The following BCO1 variants were observed in gnomAD, a reference collection of about 807,000 sequenced individuals.
BCO1 encodes the protein beta,beta-carotene 15,15'-dioxygenase.
BCO1 carries 54 observed loss-of-function variants against 56.3 expected under a neutral mutation model. The observed-to-expected ratio is 0.96, with a 90% confidence interval of 0.77 to 1.20. The LOEUF is 1.20. BCO1 is among the 50% of genes most tolerant of loss of function. BCO1 has a pLI of 0.00. For synonymous variants in BCO1, 318 were observed against 266.1 expected (o/e 1.20, Z -1.90); for missense variants, 801 against 690.9 (o/e 1.16, Z -1.79).
chr16:81,290,472 C>A lies in BCO1; in HGVS notation c.1539C>A (p.Leu513=), dbSNP rs368392677. Residue 513 remains leucine, a synonymous_variant, in exon 11 of 11, where the codon CTC becomes CTA. Transcript: ENST00000258168. ...TTGATGTCGATATGCACATGGATCTCCATGGATTATTCATTACAGACATGG... is the reference window on the plus strand; with the variant it reads ...TTGATGTCGATATGCACATGGATCTACATGGATTATTCATTACAGACATGG... ...ASVDVDMHMD[L]HGLFITDMDW... The A allele has an allele frequency of 1.9e-6, 3 of 1,614,042 alleles. No homozygotes were observed. In the African/African-American group the frequency reaches 4.0e-5, roughly 22 times the overall value.
At chr16:81,271,572 C>T (rs1164635480) in intron 7 of BCO1, among the ~76,000 whole-genome samples, 1 of 152,178 alleles carries the variant, frequency 6.6e-6, no homozygotes, top group Non-Finnish European at 1.5e-5. Flanking sequence ...CCCCAGGCAA[C>T]CTGTCATCTG....
chr16:81,262,307 A>G lies in BCO1; in HGVS notation c.471+24A>G, dbSNP rs1472655084. Reference sequence around the variant, plus strand: ...AGGTATCAACACATATGTAACCAGCATCACTTCCTGACTCAAGAAAGGGAG... The same window carrying G: ...AGGTATCAACACATATGTAACCAGCGTCACTTCCTGACTCAAGAAAGGGAG... On this transcript the variant is annotated intron_variant, in intron 4 of 10. Transcript: ENST00000258168. The G allele has an allele frequency of 2.8e-5, 45 of 1,606,596 alleles. No individual in the cohort carries two copies. The Admixed American group carries it at 7.5e-4, about 27-fold the overall frequency.
rs1273968692 is a variant in BCO1 at position 81,290,851 on chromosome 16, C to G, written c.*274C>G. The G allele has an allele frequency of 1.3e-5, 5 of 378,002 alleles. No individual in the cohort carries two copies. Among genetic ancestry groups the G allele is most frequent in the Non-Finnish European group, 1.9e-5 (4 of 209,674 alleles). 23.4% of individuals were successfully genotyped at this position (378,002 alleles called of 1,614,324 possible). A position where few individuals can be genotyped will look rare whatever the true frequency, so the allele number is the denominator to read the frequency against. On this transcript the variant is annotated 3_prime_UTR_variant, in exon 11 of 11. Transcript: ENST00000258168. ...ACCTCCTTTCCTTTAACAAAAAGAC[C>G]TTGACCATGAATCAGAGATTGTATT...
intron 2 of BCO1, among the ~76,000 whole-genome samples, chr16:81,258,053 G>A (rs912001723): frequency 2.0e-5 from 3 of 152,034 alleles, no homozygotes; most frequent in African/African-American, 4.8e-5. Context: ...TCACAGTGAC[G>A]CAGCCATGAC....
At chr16:81,285,695 G>A in intron 9 of BCO1, 61 bp downstream of exon 9, 1 of 1,244,118 alleles carries the variant, frequency 8.0e-7, no homozygotes, top group East Asian at 2.3e-5. Context: ...ATGCAAAGCT[G>A]AATTCTAAGG....
chr16:81,281,091 C>G (rs1907856584), intron 8 of BCO1, 129 bp downstream of exon 8: 5 of 713,846 alleles, frequency 7.0e-6, no homozygotes, highest in Non-Finnish European at 1.2e-5. Flanking sequence ...TCTTGGGATG[C>G]CCTGGTGAAA....
At chr16:81,244,345 T>A (rs915325786) in intron 1 of BCO1, among the ~76,000 whole-genome samples, 6 of 152,074 alleles carry the variant, frequency 3.9e-5, no homozygotes, top group Non-Finnish European at 8.8e-5. Flanking sequence ...TGAAATTATT[T>A]CAGTGGTATA....
intron 9 of BCO1, among the ~76,000 whole-genome samples, chr16:81,286,029 T>C (rs1279055370): frequency 1.4e-5 from 2 of 147,110 alleles, no homozygotes; most frequent in Admixed American, 1.4e-4. Context: ...TTTTTTTGTT[T>C]TGTTTTGTTT....
chr16:81,278,303 A>T lies in BCO1; in HGVS notation c.1102-2554A>T, dbSNP rs572356108. On this transcript the variant is annotated intron_variant, in intron 7 of 10. Transcript: ENST00000258168. Reference sequence around the variant, plus strand: ...ATGATCCACCCACCTCGGCCTCCCAAAGTGCTGGGATTACAGGCATGAGCC... The same window carrying T: ...ATGATCCACCCACCTCGGCCTCCCATAGTGCTGGGATTACAGGCATGAGCC... Among the ~76,000 whole-genome samples the T allele has an allele frequency of 1.8e-3, 272 of 152,190 alleles. 1 individual carries two copies. Among genetic ancestry groups the T allele is most frequent in the African/African-American group, 5.9e-3 (245 of 41,530 alleles).
Position 81,270,312 on chromosome 16 carries a change from C to T in BCO1, c.997C>T (p.Gln333Ter), listed in dbSNP as rs1413149969. Reference protein sequence around the residue: ...VIAYEDNSLYQLFYLANLNQD... With the variant: ...VIAYEDNSLY Reference sequence around the variant, plus strand: ...TGCCTACGAGGACAACAGCCTCTACCAGCTCTTCTACCTGGCCAACCTGAA... The same window carrying T: ...TGCCTACGAGGACAACAGCCTCTACTAGCTCTTCTACCTGGCCAACCTGAA... The change falls in exon 7 of 11, where the codon CAG becomes TAG. Residue 333 changes from glutamine to a stop codon, truncating the protein, a stop_gained. Transcript: ENST00000258168. LOFTEE classifies it high-confidence loss of function. The T allele has an allele frequency of 1.2e-6, 2 of 1,614,126 alleles. No homozygotes were observed. Among genetic ancestry groups the T allele is most frequent in the Non-Finnish European group, 1.7e-6 (2 of 1,180,020 alleles).
intron 7 of BCO1, among the ~76,000 whole-genome samples, chr16:81,276,470 A>C (rs1419784959): frequency 6.6e-6 from 1 of 152,164 alleles, no homozygotes; most frequent in African/African-American, 2.4e-5. Context: ...CAGGCCCATG[A>C]GGTGGCCAGG....
chr16:81,244,964 C>T (rs1394239102), intron 1 of BCO1, among the ~76,000 whole-genome samples: 3 of 152,122 alleles, frequency 2.0e-5, no homozygotes, highest in African/African-American at 2.4e-5. Flanking sequence ...AATCTCGGCT[C>T]GCTGCAACCT....
At chr16:81,255,546 C>A (rs1179924465) in intron 2 of BCO1, among the ~76,000 whole-genome samples, 1 of 151,504 alleles carries the variant, frequency 6.6e-6, no homozygotes, top group Non-Finnish European at 1.5e-5. Flanking sequence ...GTTGCCCAGG[C>A]TGGAGTGCAG....
Position 81,290,742 on chromosome 16 carries a change from T to G in BCO1, c.*165T>G. On this transcript the variant is annotated 3_prime_UTR_variant, in exon 11 of 11. Transcript: ENST00000258168. Reference sequence around the variant, plus strand: ...AGCTTGTCAGTATCATTTCTTTCATTTTATTTTGGCTGTAAAAATTTTGTT... The same window carrying G: ...AGCTTGTCAGTATCATTTCTTTCATGTTATTTTGGCTGTAAAAATTTTGTT... The G allele has an allele frequency of 1.6e-6, 1 of 611,422 alleles. No individual in the cohort carries two copies. Among genetic ancestry groups the G allele is most frequent in the Non-Finnish European group, 2.8e-6 (1 of 353,194 alleles). The allele number at this position is 611,422 out of a possible 1,614,324, so 37.9% of individuals were successfully genotyped here. A position where few individuals can be genotyped will look rare whatever the true frequency, so the allele number is the denominator to read the frequency against.
chr16:81,247,607 G>T (rs992448523), intron 2 of BCO1, among the ~76,000 whole-genome samples: 1 of 151,882 alleles, frequency 6.6e-6, no homozygotes, highest in African/African-American at 2.4e-5. Flanking sequence ...GCTCACCACA[G>T]CCTCCACTTC....
chr16:81,280,269 C>CAAAA lies in BCO1; in HGVS notation c.1102-552_1102-549dup, dbSNP rs58607661. Among the ~76,000 whole-genome samples the CAAAA allele has an allele frequency of 8.1e-5, 3 of 36,886 alleles. 1 individual carries two copies. Among genetic ancestry groups the CAAAA allele is most frequent in the African/African-American group, 2.6e-4 (3 of 11,674 alleles). 24.2% of individuals were successfully genotyped at this position (36,886 alleles called of 152,430 possible). On this transcript the variant is annotated intron_variant, in intron 7 of 10. Coordinates refer to ENST00000258168, the MANE Select transcript of BCO1 (RefSeq NM_017429.3). ...TGGGCAACAGAGTGAGACTCCATCTCAAAAAAAAAAAAAAAAAAAAAAAAA... is the reference window on the plus strand; with the variant it reads ...TGGGCAACAGAGTGAGACTCCATCTCAAAAAAAAAAAAAAAAAAAAAAAAAAAAA...
At chr16:81,278,188 T>C (rs1467952240) in intron 7 of BCO1, among the ~76,000 whole-genome samples, 1 of 152,100 alleles carries the variant, frequency 6.6e-6, no homozygotes, top group Non-Finnish European at 1.5e-5. Context: ...ACTACAGGCA[T>C]GTGCTACCAC....
At chr16:81,244,717 C>CTTTTTT (rs55904406) in intron 1 of BCO1, among the ~76,000 whole-genome samples, 10 of 129,198 alleles carry the variant, frequency 7.7e-5, no homozygotes, top group African/African-American at 2.4e-4. Flanking sequence ...TTGCCCCTAT[C>CTTTTTT]TTTTTTTTTT....
At position 81,287,366 on chromosome 16, in the gene BCO1, CCT is replaced by C. The variant is rs754603312; in HGVS notation, c.1375_1376del (p.Leu459ValfsTer10). On this transcript the variant is annotated frameshift_variant, in exon 10 of 11. Transcript: ENST00000258168. LOFTEE classifies it low-confidence loss of function (END_TRUNC). ...AGGACGACTGCTGGCCAGCGGAACC[CCT>C]GTTTGTGCCCGCGCCAGGTGCCAAG... ...REDDCWPAEP[L>X]FVPAPGAKDE... is the part of the protein sequence containing the mutation. 155 of 1,613,950 alleles carry C rather than the reference CCT, an allele frequency of 9.6e-5. No individual in the cohort carries two copies. The highest frequency in any genetic ancestry group is 3.3e-4 in the Middle Eastern group (2 of 6,058).
Sources: allele counts gnomAD v4.1 joint callset (sites outside exome capture counted in the v4.1 genomes callset), GRCh38; gene constraint gnomAD v4.1.1; transcripts MANE v1.5; gene names NCBI Gene and HGNC (gene_info 2026-07-23, HGNC 2026-07-21).